WWC1: variants seen among roughly 807,000 people sequenced by gnomAD.
WWC1 encodes protein KIBRA.
A neutral mutation model predicts 138.4 loss-of-function variants in WWC1; 55 were observed. The observed-to-expected ratio is 0.40, with a 90% CI of 0.32 to 0.50. The LOEUF is 0.50. Among genes scored for constraint, WWC1 ranks in the 20% least tolerant of loss-of-function variants. The pLI is 0.72. For missense variants in WWC1, 1,226 were observed against 1,420.4 expected, an observed-to-expected ratio of 0.86 and a Z score of 2.20; for synonymous variants, 524 against 564.9, an observed-to-expected ratio of 0.93 and a Z score of 1.03.
rs560062936 is a variant in WWC1 at position 168,317,357 on chromosome 5, G to A, written c.119+25086G>A. 1.3e-5 allele frequency among the ~76,000 whole-genome samples: 2 copies of A among 152,294 alleles called. 1 individual carries two copies. The highest frequency in any genetic ancestry group is 3.9e-4 in the East Asian group (2 of 5,178). On this transcript the variant is annotated intron_variant, in intron 1 of 22. Coordinates refer to ENST00000265293, the MANE Select transcript of WWC1 (RefSeq NM_015238.3). ...GTTAAGCTCTCGCACTCTCCGGGGT[G>A]CAGTGCCTGGAATTCAGGCACTGGA...
At position 168,452,582 on chromosome 5, in the gene WWC1, C is replaced by A. The variant is rs953505413; in HGVS notation, c.2526-1386C>A. 5.3e-5 allele frequency among the ~76,000 whole-genome samples: 8 copies of A among 152,340 alleles called. No individual in the cohort carries two copies. The East Asian group carries it at 1.5e-3, about 29-fold the overall frequency. On this transcript the variant is annotated intron_variant, in intron 17 of 22. Coordinates refer to ENST00000265293, the MANE Select transcript of WWC1 (RefSeq NM_015238.3). ...CTCCAGGACTGCCAGAAATCAGTTT[C>A]TGTTGTTTAACCCACCTAGTAAGTG...
intron 2 of WWC1, among the ~76,000 whole-genome samples, chr5:168,377,217 G>A (rs1173077700): frequency 2.0e-5 from 3 of 152,160 alleles, no homozygotes; most frequent in Non-Finnish European, 4.4e-5. Flanking sequence ...TGGGATAGCT[G>A]GCGAGCCATA....
At chr5:168,402,850 A>G (rs1027890285) in intron 5 of WWC1, among the ~76,000 whole-genome samples, 1 of 152,070 alleles carries the variant, frequency 6.6e-6, no homozygotes, top group Non-Finnish European at 1.5e-5. Context: ...TCTAACAGGG[A>G]TGCTATCCAG....
intron 1 of WWC1, among the ~76,000 whole-genome samples, chr5:168,339,068 CTG>C (rs1232980655): frequency 6.6e-6 from 1 of 152,148 alleles, no homozygotes; most frequent in Non-Finnish European, 1.5e-5. Flanking sequence ...CAAAACATCA[CTG>C]TGTATTCTAA....
At chr5:168,468,104 A>T in intron 22 of WWC1, 140 bp downstream of exon 22, 1 of 1,397,898 alleles carries the variant, frequency 7.2e-7, no homozygotes, top group Non-Finnish European at 9.7e-7. Flanking sequence ...TCCTCCGCCA[A>T]GCCATCCCTG....
At chr5:168,420,274 T>C (rs1414674918) in intron 9 of WWC1, among the ~76,000 whole-genome samples, 1 of 152,104 alleles carries the variant, frequency 6.6e-6, no homozygotes, top group East Asian at 1.9e-4. Context: ...TGGGGTTGCT[T>C]TCTTCTGAGG....
chr5:168,315,414 C>T (rs1445366564), intron 1 of WWC1, among the ~76,000 whole-genome samples: 30 of 151,964 alleles, frequency 2.0e-4, no homozygotes, highest in Admixed American at 1.9e-3. Context: ...TTTGCTTGAT[C>T]GTTCCTTTGT....
At chr5:168,375,516 A>G (rs1471877211) in intron 2 of WWC1, among the ~76,000 whole-genome samples, 1 of 152,084 alleles carries the variant, frequency 6.6e-6, no homozygotes, top group African/African-American at 2.4e-5. Flanking sequence ...AAAAGAAAAC[A>G]GGGGAGGAAT....
intron 12 of WWC1, 64 bp downstream of exon 12, chr5:168,428,205 C>A (rs981896486): frequency 2.0e-6 from 3 of 1,512,756 alleles, no homozygotes; most frequent in Admixed American, 1.9e-5. Flanking sequence ...ATATCCAGAG[C>A]CTAGGCCTGT....
rs187327179 is a variant in WWC1 at position 168,381,966 on chromosome 5, G to T, written c.230-3245G>T. On this transcript the variant is annotated intron_variant, in intron 2 of 22. Transcript: ENST00000265293. ...TAATATCTATTAAAATTGTAAGTGT[G>T]TGTACCCTCTGATCTAGTAGTTTCT... is the stretch of plus-strand genomic sequence containing the variant. 6.2e-3 allele frequency among the ~76,000 whole-genome samples: 950 copies of T among 152,060 alleles called. 4 individuals are homozygous for T. Among genetic ancestry groups the T allele is most frequent in the Non-Finnish European group, 8.2e-3 (558 of 67,992 alleles).
intron 17 of WWC1, among the ~76,000 whole-genome samples, chr5:168,446,232 T>TAAAAAA (rs60746695): frequency 8.5e-5 from 5 of 58,768 alleles, no homozygotes; most frequent in African/African-American, 1.5e-4. Flanking sequence ...CTCCCATTAT[T>TAAAAAA]AAAAAAAAAA....
chr5:168,378,769 T>A (rs36007803), intron 2 of WWC1, among the ~76,000 whole-genome samples: 1 of 152,256 alleles, frequency 6.6e-6, no homozygotes, highest in Non-Finnish European at 1.5e-5. Flanking sequence ...TTTTGATACA[T>A]ATATCATAGG....
intron 11 of WWC1, among the ~76,000 whole-genome samples, chr5:168,426,692 T>A (rs1362250324): frequency 1.3e-5 from 2 of 152,210 alleles, no homozygotes; most frequent in Admixed American, 1.3e-4. Context: ...AGCTTCCCCA[T>A]CACCAGCACT....
intron 1 of WWC1, among the ~76,000 whole-genome samples, chr5:168,350,399 G>T (rs1774846919): frequency 6.6e-6 from 1 of 152,188 alleles, no homozygotes; most frequent in African/African-American, 2.4e-5. Context: ...AATTTGCAAT[G>T]CTGTCACCAA....
At chr5:168,400,141 A>G (rs920874894) in intron 5 of WWC1, among the ~76,000 whole-genome samples, 2 of 152,148 alleles carry the variant, frequency 1.3e-5, no homozygotes, top group African/African-American at 4.8e-5. Flanking sequence ...AGCTGTGGCC[A>G]GGTAAAATAC....
chr5:168,359,999 C>T (rs565731762), intron 1 of WWC1, among the ~76,000 whole-genome samples: 45 of 152,218 alleles, frequency 3.0e-4, no homozygotes, highest in Non-Finnish European at 5.3e-4. Context: ...CATACCTTCT[C>T]CACACCTTTC....
At chr5:168,357,439 A>C (rs1224142288) in intron 1 of WWC1, among the ~76,000 whole-genome samples, 2 of 138,788 alleles carry the variant, frequency 1.4e-5, no homozygotes, top group South Asian at 2.5e-4. Flanking sequence ...TGGAGTGGCA[A>C]CCTGCCTTCT....
intron 3 of WWC1, among the ~76,000 whole-genome samples, chr5:168,388,138 A>G (rs1436987116): frequency 6.6e-6 from 1 of 152,228 alleles, no homozygotes; most frequent in Non-Finnish European, 1.5e-5. Flanking sequence ...AGCATGACCA[A>G]TAATGAGACC....
chr5:168,451,371 G>C (rs1755801922), intron 17 of WWC1, among the ~76,000 whole-genome samples: 1 of 152,062 alleles, frequency 6.6e-6, no homozygotes, highest in Admixed American at 6.6e-5. Flanking sequence ...ACTTCACCTG[G>C]GAAGATGGTC....
Sources: gnomAD v4.1 joint callset for allele counts (sites outside exome capture counted in the v4.1 genomes callset) on GRCh38, gnomAD v4.1.1 for gene constraint, MANE v1.5 for transcripts, NCBI Gene and HGNC (gene_info 2026-07-23, HGNC 2026-07-21) for gene names.